The following WWOX variants were observed in gnomAD, a reference collection of about 807,000 sequenced individuals.
WWOX encodes the protein WW domain containing oxidoreductase.
A neutral mutation model predicts 46.2 loss-of-function variants in WWOX; 69 were observed. That is an observed-to-expected ratio of 1.49 (90% CI 1.23 to 1.82). WWOX has a LOEUF of 1.82. WWOX is among the 40% of genes most tolerant of loss of function. The probability of loss-of-function intolerance (pLI) is 0.00; values close to 1 mark genes in which losing one functional copy is unlikely to be tolerated. For synonymous variants in WWOX, 359 were observed against 202.6 expected, an observed-to-expected ratio of 1.77 and a Z score of -6.56; for missense variants, 919 against 542.6, an observed-to-expected ratio of 1.69 and a Z score of -6.89.
intron 8 of WWOX, among the ~76,000 whole-genome samples, chr16:79,096,188 C>T (rs1338735008): frequency 6.6e-6 from 1 of 151,894 alleles, no homozygotes; most frequent in Non-Finnish European, 1.5e-5. Flanking sequence ...CTTTTAAGGG[C>T]CTCCTGGCAC....
intron 5 of WWOX, among the ~76,000 whole-genome samples, chr16:78,195,242 C>G (rs2036011284): frequency 6.6e-6 from 1 of 152,142 alleles, no homozygotes; most frequent in Non-Finnish European, 1.5e-5. Context: ...GAAGCTTTTC[C>G]CAGTGCTGGC....
chr16:78,215,048 C>G (rs78741454), intron 5 of WWOX, among the ~76,000 whole-genome samples: 3 of 152,038 alleles, frequency 2.0e-5, no homozygotes, highest in Non-Finnish European at 2.9e-5. Flanking sequence ...TGAGACATGG[C>G]GGGGTTTGGT....
chr16:78,596,317 T>C (rs546214766), intron 8 of WWOX, among the ~76,000 whole-genome samples: 1 of 152,208 alleles, frequency 6.6e-6, no homozygotes, highest in Non-Finnish European at 1.5e-5. Flanking sequence ...CTGCTAGGCC[T>C]GGGTCTACAG....
chr16:78,671,281 C>T (rs34261419), intron 8 of WWOX, among the ~76,000 whole-genome samples: 2,538 of 152,058 alleles, frequency 0.017, 32 homozygotes, highest in Non-Finnish European at 0.028. Context: ...AAAAATGAGC[C>T]GGGTGTGGTG....
At chr16:78,648,298 G>A (rs975910171) in intron 8 of WWOX, among the ~76,000 whole-genome samples, 1 of 152,156 alleles carries the variant, frequency 6.6e-6, no homozygotes, top group Non-Finnish European at 1.5e-5. Context: ...CTGAGAATGC[G>A]AGGCCCTTGT....
intron 8 of WWOX, among the ~76,000 whole-genome samples, chr16:78,783,375 GA>G (rs1336493622): frequency 2.1e-4 from 32 of 152,228 alleles, no homozygotes; most frequent in Admixed American, 1.6e-3. Flanking sequence ...GCCAGGCCTT[GA>G]AGGGGAGGGA....
chr16:78,745,688 C>A (rs576304216), intron 8 of WWOX, among the ~76,000 whole-genome samples: 1 of 151,646 alleles, frequency 6.6e-6, no homozygotes, highest in Non-Finnish European at 1.5e-5. Context: ...TCATAGACAT[C>A]CACCCCCTCA....
intron 6 of WWOX, among the ~76,000 whole-genome samples, chr16:78,418,557 C>T (rs2151954653): frequency 6.6e-6 from 1 of 152,076 alleles, no homozygotes; most frequent in Non-Finnish European, 1.5e-5. Context: ...CAATTTTGTA[C>T]AAAATGCTAG....
chr16:78,809,761 G>A (rs2051139694), intron 8 of WWOX, among the ~76,000 whole-genome samples: 1 of 152,186 alleles, frequency 6.6e-6, no homozygotes, highest in African/African-American at 2.4e-5. Flanking sequence ...GCTTAGCTGG[G>A]ACAGGAAGAA....
chr16:78,663,658 A>G (rs539205270), intron 8 of WWOX, among the ~76,000 whole-genome samples: 1 of 152,332 alleles, frequency 6.6e-6, no homozygotes, highest in African/African-American at 2.4e-5. Context: ...GACATCCAGG[A>G]TGTGTCTTGA....
intron 8 of WWOX, among the ~76,000 whole-genome samples, chr16:78,476,143 G>A (rs2084343734): frequency 6.6e-6 from 1 of 152,198 alleles, no homozygotes; most frequent in Non-Finnish European, 1.5e-5. Flanking sequence ...AGGTGGTGAA[G>A]CTACTGGATA....
chr16:79,136,410 T>C (rs2049982619), intron 8 of WWOX, among the ~76,000 whole-genome samples: 1 of 152,110 alleles, frequency 6.6e-6, no homozygotes, highest in South Asian at 2.1e-4. Flanking sequence ...TTTGTATTTT[T>C]AGTAGAGACG....
At chr16:79,089,380 G>A (rs1597364764) in intron 8 of WWOX, among the ~76,000 whole-genome samples, 1 of 151,204 alleles carries the variant, frequency 6.6e-6, no homozygotes, top group Non-Finnish European at 1.5e-5. Context: ...CGCCCAGGCT[G>A]GAATGCAGTG....
At chr16:78,954,937 G>A (rs1425538275) in intron 8 of WWOX, among the ~76,000 whole-genome samples, 2 of 151,916 alleles carry the variant, frequency 1.3e-5, no homozygotes, top group African/African-American at 2.4e-5. Context: ...CCACAGGCAC[G>A]GGACACCATG....
chr16:78,151,986 G>T (rs986961051), intron 4 of WWOX, among the ~76,000 whole-genome samples: 1 of 152,080 alleles, frequency 6.6e-6, no homozygotes, highest in Non-Finnish European at 1.5e-5. Flanking sequence ...GTCAGGAGAT[G>T]GAGACCGTCC....
At chr16:78,439,830 C>A (rs146770014) in intron 8 of WWOX, among the ~76,000 whole-genome samples, 34 of 152,332 alleles carry the variant, frequency 2.2e-4, no homozygotes, top group South Asian at 1.9e-3. Flanking sequence ...ACTTTTCCCT[C>A]ATGCTTACAA....
intron 8 of WWOX, among the ~76,000 whole-genome samples, chr16:79,008,018 T>C (rs2047223415): frequency 6.6e-6 from 1 of 152,236 alleles, no homozygotes; most frequent in African/African-American, 2.4e-5. Flanking sequence ...AAAGTCCTGG[T>C]TCAGGCTGGG....
intron 8 of WWOX, among the ~76,000 whole-genome samples, chr16:79,003,834 C>T (rs74032476): frequency 0.057 from 8,599 of 152,100 alleles, 739 homozygotes; most frequent in African/African-American, 0.19. Context: ...AGGCAGTCAC[C>T]ACTGTATAGT....
At chr16:78,983,366 T>C (rs1308989652) in intron 8 of WWOX, among the ~76,000 whole-genome samples, 1 of 152,214 alleles carries the variant, frequency 6.6e-6, no homozygotes, top group African/African-American at 2.4e-5. Context: ...CTTTCTTAAG[T>C]TGAGCATTGC....
Sources: allele counts gnomAD v4.1 joint callset (sites outside exome capture counted in the v4.1 genomes callset), GRCh38; gene constraint gnomAD v4.1.1; transcripts MANE v1.5; gene names NCBI Gene and HGNC (gene_info 2026-07-23, HGNC 2026-07-21).